Variants in SYT6 observed in about 807,000 individuals in gnomAD.
SYT6 encodes the protein synaptotagmin-6.
In SYT6, 24 loss-of-function variants were observed where a neutral mutation model predicts 38.4. The observed-to-expected ratio is 0.62, with a 90% confidence interval of 0.45 to 0.88. SYT6 has a LOEUF of 0.88. Ranked by LOEUF, SYT6 falls within the 40% of genes least tolerant of loss-of-function variation. The pLI, the probability that SYT6 is intolerant of heterozygous loss-of-function variation, is 0.00. For synonymous variants in SYT6, 265 were observed against 241.9 expected, an observed-to-expected ratio of 1.10 and a Z score of -0.89; for missense variants, 611 against 621.0, an observed-to-expected ratio of 0.98 and a Z score of 0.17.
Position 114,137,471 on chromosome 1 carries a change from G to A in SYT6, c.1071+24C>T, listed in dbSNP as rs375085711. The stretch of plus-strand genomic sequence containing the variant: ...ACCCAGAACCACAAATCCTCAAGAA[G>A]CCAAGGAACAGGGCTGTACTTACAC... On this transcript the variant is annotated intron_variant, in intron 3 of 7. Transcript: ENST00000610222. 26 of 1,592,650 alleles carry A rather than the reference G, an allele frequency of 1.6e-5. No homozygotes were observed. The African/African-American group carries it at 3.4e-4, about 21-fold the overall frequency.
intron 3 of SYT6, among the ~76,000 whole-genome samples, chr1:114,122,501 G>T (rs1322058409): frequency 7.7e-6 from 1 of 129,716 alleles, no homozygotes; most frequent in Non-Finnish European, 1.6e-5. Flanking sequence ...GTGTGTGTGT[G>T]TGTGTGCGCG....
At chr1:114,094,912 C>T (rs1051477149) in intron 6 of SYT6, among the ~76,000 whole-genome samples, 3 of 152,214 alleles carry the variant, frequency 2.0e-5, no homozygotes, top group Non-Finnish European at 4.4e-5. Flanking sequence ...CAATGCATCG[C>T]GTGGACACAA....
intron 3 of SYT6, among the ~76,000 whole-genome samples, chr1:114,117,331 A>G (rs974557981): frequency 1.3e-5 from 2 of 152,186 alleles, no homozygotes; most frequent in African/African-American, 2.4e-5. Flanking sequence ...GCAAGAATAC[A>G]ATCTGTTTGT....
At chr1:114,121,253 G>A (rs1462164920) in intron 3 of SYT6, among the ~76,000 whole-genome samples, 1 of 152,208 alleles carries the variant, frequency 6.6e-6, no homozygotes, top group Non-Finnish European at 1.5e-5. Flanking sequence ...GGCTGGCTTG[G>A]GGCCTGCCAG....
At chr1:114,121,185 A>G (rs955983674) in intron 3 of SYT6, among the ~76,000 whole-genome samples, 1 of 152,076 alleles carries the variant, frequency 6.6e-6, no homozygotes, top group East Asian at 1.9e-4. Flanking sequence ...CTAACATCTC[A>G]GAATGCTCAG....
Position 114,097,772 on chromosome 1 carries a change from G to C in SYT6, c.1470C>G (p.Ile490Met). ...CCTCCACCAAGGAGTGCCAGTGTGC[G>C]ATGGGCTTCCGGGGGTATGCCAGCA... ...NEMLAYPRKPIAHWHSLVEVK... is the reference protein window; with the variant it reads ...NEMLAYPRKPMAHWHSLVEVK... Residue 490 changes from isoleucine to methionine, a missense_variant, in exon 6 of 8, where the codon ATC becomes ATG. Coordinates refer to ENST00000610222, the MANE Select transcript of SYT6 (RefSeq NM_001253772.2). 8 of 1,614,182 alleles carry C rather than the reference G, an allele frequency of 5.0e-6. No individual in the cohort carries two copies. The highest frequency in any genetic ancestry group is 6.8e-6 in the Non-Finnish European group (8 of 1,180,040).
intron 1 of SYT6, among the ~76,000 whole-genome samples, chr1:114,151,568 C>T (rs1207050295): frequency 7.2e-5 from 11 of 152,266 alleles, no homozygotes; most frequent in African/African-American, 1.2e-4. Flanking sequence ...CAACTTCCAC[C>T]GTCACCCCCA....
At chr1:114,144,279 AAGCCTCTGTATT>A (rs1386542766) in intron 1 of SYT6, among the ~76,000 whole-genome samples, 1 of 152,146 alleles carries the variant, frequency 6.6e-6, no homozygotes, top group Non-Finnish European at 1.5e-5. Flanking sequence ...TGTAAGTTTG[AAGCCTCTGTATT>A]AGCCTGTCCA....
intron 3 of SYT6, among the ~76,000 whole-genome samples, chr1:114,133,162 C>G (rs1304308181): frequency 6.6e-6 from 1 of 152,070 alleles, no homozygotes; most frequent in Non-Finnish European, 1.5e-5. Context: ...CACACACACT[C>G]TATCCTAGTC....
At chr1:114,115,758 G>A (rs1278786078) in intron 3 of SYT6, among the ~76,000 whole-genome samples, 1 of 152,108 alleles carries the variant, frequency 6.6e-6, no homozygotes, top group East Asian at 1.9e-4. Flanking sequence ...CTATGCCTGG[G>A]AGGAGCGCAT....
intron 6 of SYT6, among the ~76,000 whole-genome samples, chr1:114,094,948 G>T (rs1206475433): frequency 1.3e-5 from 2 of 152,210 alleles, no homozygotes; most frequent in African/African-American, 4.8e-5. Flanking sequence ...TCAGCCCTGT[G>T]GGGGTTTACA....
intron 6 of SYT6, 51 bp from the exon 7 acceptor site, chr1:114,093,854 G>A: frequency 6.4e-7 from 1 of 1,560,582 alleles, no homozygotes; most frequent in Non-Finnish European, 8.8e-7. Context: ...GGCCACTGTG[G>A]CTTCTGACTC....
chr1:114,140,414 A>G (rs1178426462), intron 1 of SYT6, among the ~76,000 whole-genome samples: 1 of 152,186 alleles, frequency 6.6e-6, no homozygotes, highest in Non-Finnish European at 1.5e-5. Flanking sequence ...ATTTTTGTCT[A>G]CAGCCCACTT....
At chr1:114,118,573 A>G (rs940174912) in intron 3 of SYT6, among the ~76,000 whole-genome samples, 3 of 152,204 alleles carry the variant, frequency 2.0e-5, no homozygotes, top group African/African-American at 7.2e-5. Flanking sequence ...TGGGGAGGCC[A>G]CAGCACGCAG....
intron 3 of SYT6, among the ~76,000 whole-genome samples, chr1:114,124,827 G>T (rs186535636): frequency 6.6e-6 from 1 of 152,194 alleles, no homozygotes; most frequent in Non-Finnish European, 1.5e-5. Flanking sequence ...ACATGCAACC[G>T]GCTGGCCCAG....
At chr1:114,134,197 GAC>G (rs2101077206) in intron 3 of SYT6, among the ~76,000 whole-genome samples, 1 of 152,262 alleles carries the variant, frequency 6.6e-6, no homozygotes, top group South Asian at 2.1e-4. Context: ...GGTTACCCCA[GAC>G]ACAAACCATC....
chr1:114,118,513 C>T (rs1442385045), intron 3 of SYT6, among the ~76,000 whole-genome samples: 1 of 152,214 alleles, frequency 6.6e-6, no homozygotes, highest in African/African-American at 2.4e-5. Flanking sequence ...CCTCTTTGCA[C>T]TGTATGAACC....
At chr1:114,147,279 G>C (rs985019866) in intron 1 of SYT6, among the ~76,000 whole-genome samples, 1 of 152,146 alleles carries the variant, frequency 6.6e-6, no homozygotes, top group Non-Finnish European at 1.5e-5. Flanking sequence ...CCAGCCAGCT[G>C]GTGAACAGGA....
At chr1:114,098,781 A>G (rs1043136383) in intron 5 of SYT6, among the ~76,000 whole-genome samples, 8 of 152,216 alleles carry the variant, frequency 5.3e-5, no homozygotes, top group Non-Finnish European at 1.0e-4. Flanking sequence ...ATAGAGGGGC[A>G]TTTCAAAGGC....
Sources: allele counts gnomAD v4.1 joint callset (sites outside exome capture counted in the v4.1 genomes callset), GRCh38; gene constraint gnomAD v4.1.1; transcripts MANE v1.5; gene names NCBI Gene and HGNC (gene_info 2026-07-23, HGNC 2026-07-21).